Variants in WDFY2 observed in about 807,000 individuals in gnomAD.
WDFY2 encodes the protein WD repeat and FYVE domain containing 2, also known as WD repeat and FYVE domain-containing protein 2.
In WDFY2, 36 loss-of-function variants were observed where a neutral mutation model predicts 56.4. That is an observed-to-expected ratio of 0.64 (90% confidence interval 0.49 to 0.84). The LOEUF is 0.84. Among genes scored for constraint, WDFY2 ranks in the 40% least tolerant of loss-of-function variants. The pLI is 0.00. For synonymous variants in WDFY2, 176 were observed against 183.7 expected (o/e 0.96, Z 0.34); for missense variants, 444 against 512.2 (o/e 0.87, Z 1.29).
chr13:51,625,157 G>A (rs1056792650), intron 1 of WDFY2, among the ~76,000 whole-genome samples: 3 of 152,350 alleles, frequency 2.0e-5, no homozygotes, highest in Admixed American at 6.5e-5. Flanking sequence ...AGACGTAAAA[G>A]TGGCTGTGAC....
chr13:51,722,409 TTTGA>T (rs1375136437), intron 5 of WDFY2, among the ~76,000 whole-genome samples: 3 of 152,158 alleles, frequency 2.0e-5, no homozygotes, highest in Non-Finnish European at 4.4e-5. Flanking sequence ...CTTCAAATTC[TTTGA>T]TTGTTTTGAC....
At chr13:51,630,018 A>G (rs1343583716) in intron 1 of WDFY2, among the ~76,000 whole-genome samples, 1 of 152,044 alleles carries the variant, frequency 6.6e-6, no homozygotes, top group African/African-American at 2.4e-5. Flanking sequence ...ATCATTTTAT[A>G]TACACAGTCT....
intron 1 of WDFY2, among the ~76,000 whole-genome samples, chr13:51,645,322 C>T (rs371836546): frequency 6.6e-6 from 1 of 152,122 alleles, no homozygotes; most frequent in African/African-American, 2.4e-5. Flanking sequence ...GGCTTCACTT[C>T]TCCCAGCCCC....
chr13:51,631,046 C>T (rs1954942666), intron 1 of WDFY2, among the ~76,000 whole-genome samples: 1 of 149,706 alleles, frequency 6.7e-6, no homozygotes, highest in Admixed American at 6.6e-5. Flanking sequence ...TCCCAAAGTA[C>T]TGGGATTACA....
chr13:51,626,255 GA>G (rs1954834405), intron 1 of WDFY2, among the ~76,000 whole-genome samples: 1 of 152,178 alleles, frequency 6.6e-6, no homozygotes, highest in Non-Finnish European at 1.5e-5. Context: ...ATAGAAAGAA[GA>G]TAGGGTTTGG....
At chr13:51,708,326 T>TAA (rs60374574) in intron 4 of WDFY2, among the ~76,000 whole-genome samples, 1 of 140,876 alleles carries the variant, frequency 7.1e-6, no homozygotes, top group African/African-American at 2.6e-5. Context: ...ACCCCATCTC[T>TAA]AAAAAAAAAA....
intron 1 of WDFY2, among the ~76,000 whole-genome samples, chr13:51,645,242 G>T (rs1955242612): frequency 1.3e-5 from 2 of 150,774 alleles, no homozygotes; most frequent in South Asian, 4.2e-4. Flanking sequence ...CCTTCTGTTT[G>T]TATTGCTGTT....
chr13:51,599,087 T>A (rs1294946944), intron 1 of WDFY2: 1 of 152,398 alleles, frequency 6.6e-6, no homozygotes, highest in Non-Finnish European at 1.5e-5. Flanking sequence ...TTTTGTATTT[T>A]TAGTAGAGGT....
At chr13:51,630,912 G>A (rs1273522684) in intron 1 of WDFY2, among the ~76,000 whole-genome samples, 1 of 151,356 alleles carries the variant, frequency 6.6e-6, no homozygotes, top group African/African-American at 2.4e-5. Flanking sequence ...CCAAGTAGCT[G>A]GGATTACAGG....
chr13:51,608,420 G>T (rs559760899), intron 1 of WDFY2, among the ~76,000 whole-genome samples: 1 of 152,130 alleles, frequency 6.6e-6, no homozygotes, highest in East Asian at 1.9e-4. Flanking sequence ...GGTGGCTCAC[G>T]CCTGTAATCC....
chr13:51,610,236 G>C (rs1449851573), intron 1 of WDFY2, among the ~76,000 whole-genome samples: 1 of 144,816 alleles, frequency 6.9e-6, no homozygotes, highest in Non-Finnish European at 1.5e-5. Flanking sequence ...AAACTTATTT[G>C]ACTGTTTTTT....
chr13:51,608,498 A>G (rs1405489594), intron 1 of WDFY2, among the ~76,000 whole-genome samples: 1 of 152,116 alleles, frequency 6.6e-6, no homozygotes, highest in Non-Finnish European at 1.5e-5. Flanking sequence ...CCTGACCAAT[A>G]TGGTGAAACC....
intron 2 of WDFY2, among the ~76,000 whole-genome samples, chr13:51,669,544 G>T (rs975842693): frequency 6.6e-6 from 1 of 151,708 alleles, no homozygotes; most frequent in Non-Finnish European, 1.5e-5. Flanking sequence ...TATTTCTTTT[G>T]ACTGTCATTA....
At chr13:51,737,820 T>C (rs73199734) in intron 6 of WDFY2, among the ~76,000 whole-genome samples, 19,054 of 152,184 alleles carry the variant, frequency 0.13, 1,480 homozygotes, top group South Asian at 0.22. Context: ...CTGGGCTACA[T>C]GCAGTGGCTA....
chr13:51,673,788 A>G (rs912412755), intron 2 of WDFY2, among the ~76,000 whole-genome samples: 4 of 152,172 alleles, frequency 2.6e-5, no homozygotes, highest in African/African-American at 9.6e-5. Context: ...TGCTGTTTTC[A>G]GGAGTGTACT....
chr13:51,666,231 C>T (rs1282913711), intron 2 of WDFY2, among the ~76,000 whole-genome samples: 2 of 152,194 alleles, frequency 1.3e-5, no homozygotes, highest in Non-Finnish European at 2.9e-5. Flanking sequence ...TGTGTTAGCC[C>T]TCTGCAGAAA....
chr13:51,704,247 AG>A (rs1326662721), intron 4 of WDFY2, among the ~76,000 whole-genome samples: 1 of 152,222 alleles, frequency 6.6e-6, no homozygotes, highest in Non-Finnish European at 1.5e-5. Context: ...CCAGAGACAC[AG>A]GAACCATTGT....
intron 1 of WDFY2, among the ~76,000 whole-genome samples, chr13:51,639,736 AT>A (rs1340765785): frequency 9.2e-5 from 14 of 152,178 alleles, no homozygotes; most frequent in African/African-American, 3.4e-4. Context: ...GAATTATTTT[AT>A]GCCATTTGGT....
At chr13:51,652,403 C>T (rs1165642932) in intron 1 of WDFY2, among the ~76,000 whole-genome samples, 1 of 152,132 alleles carries the variant, frequency 6.6e-6, no homozygotes, top group East Asian at 1.9e-4. Flanking sequence ...AGCCCATTTA[C>T]GTTTAAGGTT....
Sources: allele counts gnomAD v4.1 joint callset (sites outside exome capture counted in the v4.1 genomes callset), GRCh38; gene constraint gnomAD v4.1.1; transcripts MANE v1.5; gene names NCBI Gene and HGNC (gene_info 2026-07-23, HGNC 2026-07-21).